Variants in CEP95 observed in about 807,000 individuals in gnomAD.
CEP95 encodes centrosomal protein 95, also known as centrosomal protein of 95 kDa.
Under a neutral mutation model 111.2 loss-of-function variants are expected in CEP95, and 98 were observed. That is an observed-to-expected ratio of 0.88 (90% CI 0.75 to 1.04). CEP95 has a LOEUF of 1.04. Ranked by LOEUF, CEP95 falls within the 50% of genes least tolerant of loss-of-function variation. The probability of loss-of-function intolerance (pLI) is 0.00; values close to 1 mark genes in which losing one functional copy is unlikely to be tolerated. For missense variants in CEP95, 1,027 were observed against 977.2 expected (o/e 1.05, Z -0.68); for synonymous variants, 323 against 327.1 (o/e 0.99, Z 0.14).
At chr17:64,523,383 G>A (rs1395783930) in intron 8 of CEP95, among the ~76,000 whole-genome samples, 1 of 152,030 alleles carries the variant, frequency 6.6e-6, no homozygotes, top group Non-Finnish European at 1.5e-5. Flanking sequence ...AGTCCATATT[G>A]TGTCCGTAAT....
At chr17:64,520,988 A>G (rs1967289117) in intron 6 of CEP95, among the ~76,000 whole-genome samples, 1 of 152,192 alleles carries the variant, frequency 6.6e-6, no homozygotes, top group Non-Finnish European at 1.5e-5. Flanking sequence ...TCACGCCTGT[A>G]ATCCCAGTAC....
At chr17:64,524,137 C>CAA (rs1296373561) in intron 8 of CEP95, among the ~76,000 whole-genome samples, 7 of 152,010 alleles carry the variant, frequency 4.6e-5, no homozygotes, top group African/African-American at 1.5e-4. Flanking sequence ...TTGGGGGAAT[C>CAA]ATAGTGGGGG....
At chr17:64,520,414 C>T (rs1378849936) in intron 6 of CEP95, 4 of 150,882 alleles carry the variant, frequency 2.7e-5, no homozygotes, top group Non-Finnish European at 5.9e-5. Context: ...CTGTCATATA[C>T]ATTCACAGGC....
intron 14 of CEP95, chr17:64,532,261 G>A: frequency 8.1e-7 from 1 of 1,230,944 alleles, no homozygotes; most frequent in Non-Finnish European, 1.0e-6. Flanking sequence ...GCCACCTGCT[G>A]CTCCAGCGTT....
chr17:64,523,342 C>G (rs986477814), intron 8 of CEP95, among the ~76,000 whole-genome samples: 1 of 152,084 alleles, frequency 6.6e-6, no homozygotes, highest in South Asian at 2.1e-4. Context: ...ATTACAGAGT[C>G]AGGATTTGAA....
At chr17:64,524,926 G>A (rs1389854269) in intron 8 of CEP95, among the ~76,000 whole-genome samples, 2 of 151,926 alleles carry the variant, frequency 1.3e-5, no homozygotes, top group African/African-American at 4.8e-5. Context: ...ACCCAAGACT[G>A]CACCACTGCA....
At chr17:64,532,607 A>G in intron 14 of CEP95, 1 of 1,302,554 alleles carries the variant, frequency 7.7e-7, no homozygotes, top group Non-Finnish European at 9.7e-7. Flanking sequence ...ATTAGGATGG[A>G]CTTCCCAGGA....
At chr17:64,521,623 A>AG (rs1407315723) in intron 7 of CEP95, 96 bp downstream of exon 7, 2 of 1,143,508 alleles carry the variant, frequency 1.7e-6, no homozygotes, top group Non-Finnish European at 2.4e-6. Context: ...GCTGTATATG[A>AG]GATCCTTTTT....
chr17:64,535,625 A>C (rs1968598330), intron 17 of CEP95: 1 of 152,226 alleles, frequency 6.6e-6, no homozygotes, highest in African/African-American at 2.4e-5. Context: ...AAGGATGTGG[A>C]GAACTTGGGG....
chr17:64,516,117 A>G (rs2039128256), intron 4 of CEP95: 1 of 152,238 alleles, frequency 6.6e-6, no homozygotes, highest in Admixed American at 6.5e-5. Context: ...GGAAGTAGAA[A>G]AAAATGAAGG....
chr17:64,507,661 T>A (rs2038633862), intron 1 of CEP95: 8 of 987,586 alleles, frequency 8.1e-6, no homozygotes, highest in Non-Finnish European at 9.6e-6. Flanking sequence ...GACGCTTTCA[T>A]CCTTTTCACA....
At chr17:64,536,164 T>C (rs1968639911) in intron 17 of CEP95, 1 of 152,898 alleles carries the variant, frequency 6.5e-6, no homozygotes, top group Non-Finnish European at 1.5e-5. Context: ...ACTGAATTAT[T>C]TATTTTAAAA....
At chr17:64,524,727 C>A (rs1555678661) in intron 8 of CEP95, among the ~76,000 whole-genome samples, 3 of 152,070 alleles carry the variant, frequency 2.0e-5, no homozygotes, top group Admixed American at 1.3e-4. Context: ...AATCCCAGCA[C>A]TTTGAGAGGC....
In CEP95 at chr17:64,529,364, C is replaced by T; in HGVS notation, c.1383C>T (p.Phe461=). The change falls in exon 12 of 20, where the codon TTC becomes TTT. Residue 461 remains phenylalanine, a synonymous_variant. Transcript: ENST00000556440. The part of the protein sequence containing the change: ...SPSPVNKHKQ[F]HLERKRQRKP... Reference sequence around the variant, plus strand: ...CTCCAGTTAACAAACACAAACAGTTCCACTTGGAGAGAAAAAGGCAGCGCA... The same window carrying T: ...CTCCAGTTAACAAACACAAACAGTTTCACTTGGAGAGAAAAAGGCAGCGCA... 6.2e-7 allele frequency: 1 copy of T among 1,613,822 alleles called. No individual in the cohort carries two copies. Among genetic ancestry groups the T allele is most frequent in the South Asian group, 1.1e-5 (1 of 91,060 alleles).
At chr17:64,523,720 G>A (rs2144458675) in intron 8 of CEP95, among the ~76,000 whole-genome samples, 1 of 152,246 alleles carries the variant, frequency 6.6e-6, no homozygotes, top group Admixed American at 6.5e-5. Context: ...GGGAAACATA[G>A]TGAGACCTTG....
Position 64,519,311 on chromosome 17 carries a change from A to G in CEP95, c.474-10A>G. 1 of 1,606,774 alleles carries G rather than the reference A, an allele frequency of 6.2e-7. No homozygotes were observed. ...GGCTGGGCCCTGAGTGAAGGAGGGAACTTTTCCAGGTGCTCCTTGTCTTCT... is the reference window on the plus strand; with the variant it reads ...GGCTGGGCCCTGAGTGAAGGAGGGAGCTTTTCCAGGTGCTCCTTGTCTTCT... On this transcript the variant is annotated splice_polypyrimidine_tract_variant and intron_variant, in intron 5 of 19. Coordinates refer to ENST00000556440, the MANE Select transcript of CEP95 (RefSeq NM_138363.3).
intron 4 of CEP95, among the ~76,000 whole-genome samples, chr17:64,515,170 T>C (rs1307734991): frequency 1.3e-5 from 2 of 152,218 alleles, no homozygotes; most frequent in South Asian, 2.1e-4. Context: ...TTGAGTGTTT[T>C]ATAGGCGTCT....
intron 16 of CEP95, 84 bp downstream of exon 16, chr17:64,533,275 A>G: frequency 8.5e-7 from 1 of 1,180,622 alleles, no homozygotes; most frequent in Non-Finnish European, 1.2e-6. Context: ...CAACAGTTGC[A>G]CAGACCCTTA....
At chr17:64,534,018 C>G (rs111813941) in intron 16 of CEP95, 1 of 152,286 alleles carries the variant, frequency 6.6e-6, no homozygotes, top group Non-Finnish European at 1.5e-5. Context: ...AAAATCTTTG[C>G]CTGAGTGTGG....
Sources: gnomAD v4.1 joint callset for allele counts (sites outside exome capture counted in the v4.1 genomes callset) on GRCh38, gnomAD v4.1.1 for gene constraint, MANE v1.5 for transcripts, NCBI Gene and HGNC (gene_info 2026-07-23, HGNC 2026-07-21) for gene names.